The following TCF4 variants were observed in gnomAD, a reference collection of about 807,000 sequenced individuals.
The protein encoded by TCF4 is SL3-3 enhancer factor 2.
In TCF4, 3 loss-of-function variants were observed where a neutral mutation model predicts 82.1. The observed-to-expected ratio is 0.04, with a 90% CI of 0.02 to 0.09. The LOEUF is 0.09. Ranked by LOEUF, TCF4 falls within the 10% of genes least tolerant of loss-of-function variation. TCF4 has a pLI of 1.00. For synonymous variants in TCF4, 276 were observed against 309.6 expected, an observed-to-expected ratio of 0.89 and a Z score of 1.14; for missense variants, 518 against 852.7, an observed-to-expected ratio of 0.61 and a Z score of 4.89.
chr18:55,429,671 G>T (rs8086014), intron 5 of TCF4, among the ~76,000 whole-genome samples: 6,443 of 137,370 alleles, frequency 0.047, 213 homozygotes, highest in South Asian at 0.18. Flanking sequence ...TGAGGCAGGA[G>T]AATGGCGTGA....
At chr18:55,231,973 C>A (rs1044176264) in intron 17 of TCF4, 28 of 152,492 alleles carry the variant, frequency 1.8e-4, no homozygotes, top group Non-Finnish European at 2.9e-5. Flanking sequence ...TTTAAGAAAA[C>A]CAGACAGAAG....
At chr18:55,562,720 C>A (rs974585368) in intron 3 of TCF4, among the ~76,000 whole-genome samples, 1 of 152,134 alleles carries the variant, frequency 6.6e-6, no homozygotes, top group African/African-American at 2.4e-5. Context: ...ACTAAATGTA[C>A]TTGTATATGG....
intron 10 of TCF4, among the ~76,000 whole-genome samples, chr18:55,274,828 T>A (rs1688413062): frequency 1.3e-5 from 2 of 152,154 alleles, no homozygotes; most frequent in Admixed American, 1.3e-4. Context: ...AATGACAGAC[T>A]TAAGTTCAAC....
chr18:55,293,568 T>C (rs1374735468), intron 8 of TCF4, among the ~76,000 whole-genome samples: 3 of 152,248 alleles, frequency 2.0e-5, no homozygotes, highest in Non-Finnish European at 2.9e-5. Flanking sequence ...CGTTAATAGA[T>C]AGAGGTTCTT....
intron 1 of TCF4, among the ~76,000 whole-genome samples, chr18:55,631,672 G>A (rs886167499): frequency 2.0e-5 from 3 of 152,228 alleles, no homozygotes; most frequent in African/African-American, 7.2e-5. Context: ...GTTGCAAGTT[G>A]AAGATTCAGT....
intron 3 of TCF4, among the ~76,000 whole-genome samples, chr18:55,479,001 A>G (rs996496569): frequency 2.6e-5 from 4 of 151,938 alleles, no homozygotes; most frequent in African/African-American, 9.7e-5. Context: ...AAAAGTGCCA[A>G]TAATCTACTT....
chr18:55,588,008 C>A (rs2097669079), intron 1 of TCF4, 30 bp downstream of exon 1: 52 of 980,586 alleles, frequency 5.3e-5, no homozygotes, highest in Non-Finnish European at 6.0e-5. Context: ...CGCCTCCGCC[C>A]CGCCGAGCCC....
At chr18:55,259,139 G>C (rs751158022) in intron 13 of TCF4, among the ~76,000 whole-genome samples, 2 of 152,072 alleles carry the variant, frequency 1.3e-5, no homozygotes, top group Admixed American at 6.6e-5. Flanking sequence ...AATAACAAAC[G>C]CAAGTAACTC....
At chr18:55,486,107 T>C (rs769815357) in intron 3 of TCF4, among the ~76,000 whole-genome samples, 4 of 152,196 alleles carry the variant, frequency 2.6e-5, no homozygotes, top group Non-Finnish European at 4.4e-5. Context: ...TTGTACCTCT[T>C]CAAATAAATT....
intron 8 of TCF4, among the ~76,000 whole-genome samples, chr18:55,328,458 A>G (rs1446989885): frequency 1.3e-5 from 2 of 152,166 alleles, no homozygotes; most frequent in South Asian, 2.1e-4. Flanking sequence ...TACAAAAACA[A>G]ACCATTTCTA....
chr18:55,521,340 C>A (rs2096931579), intron 3 of TCF4, among the ~76,000 whole-genome samples: 1 of 152,164 alleles, frequency 6.6e-6, no homozygotes, highest in Non-Finnish European at 1.5e-5. Context: ...ATGTTATCTT[C>A]TAGCTTCTAA....
chr18:55,439,914 G>T (rs1393422938), intron 5 of TCF4, among the ~76,000 whole-genome samples: 1 of 152,068 alleles, frequency 6.6e-6, no homozygotes, highest in African/African-American at 2.4e-5. Flanking sequence ...AGTAGACACG[G>T]GGTTTCACCA....
intron 4 of TCF4, 73 bp from the exon 5 acceptor site, chr18:55,461,188 ACCAAAACTTCTCCCCT>A: frequency 7.8e-7 from 1 of 1,275,324 alleles, no homozygotes. Context: ...TAGCTCCACT[ACCAAAACTTCTCCCCT>A]CCAAAGAAAT....
intron 8 of TCF4, among the ~76,000 whole-genome samples, chr18:55,325,933 G>A (rs951300198): frequency 5.9e-5 from 9 of 152,014 alleles, no homozygotes. Flanking sequence ...CTAATAAAAC[G>A]ACACTTAATA....
chr18:55,592,004 CTTTTTG>C (rs1401983591), upstream of TCF4, among the ~76,000 whole-genome samples: 4 of 152,072 alleles, frequency 2.6e-5, no homozygotes, highest in African/African-American at 4.8e-5. Context: ...GTTTTGTCTT[CTTTTTG>C]TTTTTGTTTT....
intron 5 of TCF4, among the ~76,000 whole-genome samples, chr18:55,417,941 C>T (rs1224657092): frequency 6.6e-6 from 1 of 151,608 alleles, no homozygotes; most frequent in African/African-American, 2.4e-5. Flanking sequence ...TATCCAAACT[C>T]ATCTGCTCCA....
At chr18:55,423,962 G>A (rs951756020) in intron 5 of TCF4, among the ~76,000 whole-genome samples, 8 of 152,136 alleles carry the variant, frequency 5.3e-5, no homozygotes, top group Non-Finnish European at 1.2e-4. Flanking sequence ...TGTCACTTAT[G>A]AGGAGTCCGG....
chr18:55,386,354 A>G (rs9958125), intron 6 of TCF4, among the ~76,000 whole-genome samples: 35,696 of 152,114 alleles, frequency 0.23, 6,233 homozygotes, highest in African/African-American at 0.5. Context: ...CATTCAGACC[A>G]TTTCGTATTC....
At chr18:55,436,315 T>C (rs1026960790) in intron 5 of TCF4, among the ~76,000 whole-genome samples, 1 of 152,212 alleles carries the variant, frequency 6.6e-6, no homozygotes, top group African/African-American at 2.4e-5. Flanking sequence ...ACTACTTTAT[T>C]CATTAAAATA....
Sources: gnomAD v4.1 joint callset for allele counts (sites outside exome capture counted in the v4.1 genomes callset) on GRCh38, gnomAD v4.1.1 for gene constraint, MANE v1.5 for transcripts, NCBI Gene and HGNC (gene_info 2026-07-23, HGNC 2026-07-21) for gene names.